Variants in TVP23A observed in about 807,000 individuals in gnomAD.
TVP23A encodes the protein Golgi apparatus membrane protein TVP23 homolog A.
Under a neutral mutation model 31.7 loss-of-function variants are expected in TVP23A, and 21 were observed. The ratio of observed to expected loss-of-function variants is 0.66; its 90% confidence interval spans 0.47 to 0.95. TVP23A has a LOEUF of 0.95. Among genes scored for constraint, TVP23A ranks in the 40% least tolerant of loss-of-function variants. The probability of loss-of-function intolerance (pLI) is 0.00; values close to 1 mark genes in which losing one functional copy is unlikely to be tolerated. For synonymous variants in TVP23A, 104 were observed against 96.0 expected (o/e 1.08, Z -0.49); for missense variants, 279 against 255.6 (o/e 1.09, Z -0.62).
At chr16:10,772,742 G>A (rs1287772880) in intron 5 of TVP23A, among the ~76,000 whole-genome samples, 1 of 152,182 alleles carries the variant, frequency 6.6e-6, no homozygotes, top group Non-Finnish European at 1.5e-5. Context: ...AGGTGCCAGG[G>A]CTTGGAGGAA....
At chr16:10,798,042 G>A (rs1430649268) in intron 2 of TVP23A, among the ~76,000 whole-genome samples, 1 of 142,616 alleles carries the variant, frequency 7.0e-6, no homozygotes, top group Non-Finnish European at 1.5e-5. Context: ...TGCAAGCTCC[G>A]CCTCCCGGGT....
intron 2 of TVP23A, among the ~76,000 whole-genome samples, chr16:10,806,017 G>T (rs988690801): frequency 2.6e-5 from 4 of 152,038 alleles, no homozygotes; most frequent in African/African-American, 9.7e-5. Context: ...GGCCCCAAAT[G>T]GCAAAAGTGC....
At chr16:10,792,817 C>A (rs1382543671) in intron 2 of TVP23A, among the ~76,000 whole-genome samples, 1 of 152,200 alleles carries the variant, frequency 6.6e-6, no homozygotes, top group African/African-American at 2.4e-5. Context: ...ACATCTGAGC[C>A]GGGAGGTCAG....
At chr16:10,760,527 C>G (rs1900873772), downstream of TVP23A, among the ~76,000 whole-genome samples, 1 of 152,240 alleles carries the variant, frequency 6.6e-6, no homozygotes, top group Non-Finnish European at 1.5e-5. Context: ...AGGAGGATCA[C>G]TTCACACCAG....
At chr16:10,789,730 G>A (rs1199327673) in intron 2 of TVP23A, among the ~76,000 whole-genome samples, 1 of 150,874 alleles carries the variant, frequency 6.6e-6, no homozygotes, top group African/African-American at 2.4e-5. Context: ...AGCTACTTGG[G>A]AGGCTGAGGC....
chr16:10,800,030 T>TTA (rs1407349321), intron 2 of TVP23A, among the ~76,000 whole-genome samples: 1 of 137,674 alleles, frequency 7.3e-6, no homozygotes, highest in African/African-American at 3.1e-5. Flanking sequence ...TTTTTTTTTT[T>TTA]TCGCACTGGC....
At chr16:10,814,256 A>G (rs80057794) in intron 2 of TVP23A, among the ~76,000 whole-genome samples, 1 of 152,058 alleles carries the variant, frequency 6.6e-6, no homozygotes, top group African/African-American at 2.4e-5. Flanking sequence ...CCACCTGGAT[A>G]CATGAACTGC....
chr16:10,770,748 G>T (rs762151895), intron 6 of TVP23A, among the ~76,000 whole-genome samples: 1 of 151,434 alleles, frequency 6.6e-6, no homozygotes, highest in Non-Finnish European at 1.5e-5. Flanking sequence ...TTATGCACCT[G>T]TAATCCCAGC....
At chr16:10,802,241 CGT>C (rs61036988) in intron 2 of TVP23A, among the ~76,000 whole-genome samples, 27,665 of 130,068 alleles carry the variant, frequency 0.21, 3,261 homozygotes, top group Non-Finnish European at 0.29. Context: ...TTATATGATA[CGT>C]GTGTGTGTGT....
intron 2 of TVP23A, among the ~76,000 whole-genome samples, chr16:10,801,302 A>T (rs949688069): frequency 1.3e-5 from 2 of 152,182 alleles, no homozygotes; most frequent in African/African-American, 4.8e-5. Context: ...AAGAAGCATA[A>T]CCTGGATATA....
chr16:10,778,010 A>AG (rs1440194137), intron 2 of TVP23A, among the ~76,000 whole-genome samples: 1 of 125,042 alleles, frequency 8.0e-6, no homozygotes, highest in Non-Finnish European at 1.5e-5. Context: ...ACTCCGTCTC[A>AG]AAAAAAATAA....
chr16:10,796,752 TA>T, intron 2 of TVP23A, among the ~76,000 whole-genome samples: 1 of 152,306 alleles, frequency 6.6e-6, no homozygotes, highest in Non-Finnish European at 1.5e-5. Context: ...AAAGGGATTT[TA>T]TATAGCAACC....
downstream of TVP23A, among the ~76,000 whole-genome samples, chr16:10,759,023 C>CTTCT (rs1900762794): frequency 6.6e-6 from 1 of 152,214 alleles, no homozygotes; most frequent in African/African-American, 2.4e-5. The surrounding 1 kb of genome is among the most constrained non-coding windows in gnomAD (Gnocchi z 4.7). Context: ...TTACGCCTGA[C>CTTCT]TTCTCTTCAT....
At chr16:10,780,730 G>A (rs916517216) in intron 2 of TVP23A, among the ~76,000 whole-genome samples, 4 of 152,110 alleles carry the variant, frequency 2.6e-5, no homozygotes, top group Non-Finnish European at 4.4e-5. Context: ...AACATCGGGT[G>A]AGGGTGGTAC....
chr16:10,802,498 T>C (rs1436499628), intron 2 of TVP23A, among the ~76,000 whole-genome samples: 1 of 152,086 alleles, frequency 6.6e-6, no homozygotes, highest in Non-Finnish European at 1.5e-5. Context: ...CAGGCTGGTC[T>C]CCAACTCCTG....
At chr16:10,785,021 C>T (rs1031095856) in intron 2 of TVP23A, among the ~76,000 whole-genome samples, 1 of 150,424 alleles carries the variant, frequency 6.6e-6, no homozygotes, top group Non-Finnish European at 1.5e-5. Flanking sequence ...CCCTTGAATC[C>T]GGGAGGCGGT....
At chr16:10,800,058 C>A (rs188917910) in intron 2 of TVP23A, among the ~76,000 whole-genome samples, 64 of 139,762 alleles carry the variant, frequency 4.6e-4, no homozygotes, top group Non-Finnish European at 8.6e-4. Flanking sequence ...AGTAGTATTC[C>A]CCCAGTTATA....
chr16:10,772,648 A>T (rs568897019), intron 5 of TVP23A, among the ~76,000 whole-genome samples: 1 of 152,000 alleles, frequency 6.6e-6, no homozygotes, highest in South Asian at 2.1e-4. Context: ...GGGATTACAG[A>T]TGTGAGGTAC....
downstream of TVP23A, chr16:10,761,873 G>A (rs1289967275): frequency 6.2e-7 from 1 of 1,602,740 alleles, no homozygotes; most frequent in Non-Finnish European, 8.5e-7. Context: ...GGTGACCCCA[G>A]TGTGGGGCGG....
Sources: gnomAD v4.1 joint callset for allele counts (sites outside exome capture counted in the v4.1 genomes callset) on GRCh38, gnomAD v4.1.1 for gene constraint, Gnocchi (gnomAD v3.1) non-coding constraint, MANE v1.5 for transcripts, NCBI Gene and HGNC (gene_info 2026-07-23, HGNC 2026-07-21) for gene names.